ERBB4: variants seen among roughly 807,000 people sequenced by gnomAD.
ERBB4 encodes erb-b2 receptor tyrosine kinase 4.
Under a neutral mutation model 158.0 loss-of-function variants are expected in ERBB4, and 42 were observed. The observed-to-expected ratio is 0.27, with a 90% confidence interval of 0.21 to 0.34. ERBB4 has a LOEUF of 0.34. Among genes scored for constraint, ERBB4 ranks in the 10% least tolerant of loss-of-function variants. The pLI is 1.00. For synonymous variants in ERBB4, 583 were observed against 558.7 expected (o/e 1.04, Z -0.61); for missense variants, 1,333 against 1,624.1 (o/e 0.82, Z 3.08).
At chr2:212,162,489 A>C (rs1407563276) in intron 1 of ERBB4, among the ~76,000 whole-genome samples, 1 of 151,892 alleles carries the variant, frequency 6.6e-6, no homozygotes, top group Non-Finnish European at 1.5e-5. Flanking sequence ...AAGTATTTGC[A>C]CTACACAATT....
Position 211,536,944 on chromosome 2 carries a change from C to CA in ERBB4, c.2487+24958dup, listed in dbSNP as rs551632339. On this transcript the variant is annotated intron_variant, in intron 20 of 27. Coordinates refer to ENST00000342788, the MANE Select transcript of ERBB4 (RefSeq NM_005235.3). ...CAGGAAAAAACAAAACAAAACAAAA[C>CA]AAAAAAAAACCACCTCTGTAAAGAC... is the stretch of plus-strand genomic sequence containing the variant. Among the ~76,000 whole-genome samples, 972 of 149,532 alleles carry CA rather than the reference C, an allele frequency of 6.5e-3. 9 individuals carry two copies. The highest frequency in any genetic ancestry group is 0.021 in the African/African-American group (868 of 40,808).
At chr2:212,296,799 G>A (rs967309455) in intron 1 of ERBB4, among the ~76,000 whole-genome samples, 27 of 151,828 alleles carry the variant, frequency 1.8e-4, no homozygotes, top group African/African-American at 6.0e-4. Flanking sequence ...AGGCATTCAG[G>A]GCATGAAATT....
chr2:212,428,855 CAGAT>C (rs2091967996), intron 1 of ERBB4, among the ~76,000 whole-genome samples: 1 of 152,008 alleles, frequency 6.6e-6, no homozygotes, highest in Non-Finnish European at 1.5e-5. Flanking sequence ...GTAGGCATAA[CAGAT>C]AGAGGGATAC....
At chr2:212,139,789 C>G (rs1446511034) in intron 1 of ERBB4, among the ~76,000 whole-genome samples, 1 of 151,878 alleles carries the variant, frequency 6.6e-6, no homozygotes, top group Non-Finnish European at 1.5e-5. Flanking sequence ...AAAACACACA[C>G]TAACTTCTAT....
chr2:212,081,614 C>T (rs907792737), intron 2 of ERBB4, among the ~76,000 whole-genome samples: 1 of 152,092 alleles, frequency 6.6e-6, no homozygotes, highest in African/African-American at 2.4e-5. Flanking sequence ...GATGCAAGTG[C>T]TTATGAATAG....
chr2:212,277,991 C>T (rs1238683593), intron 1 of ERBB4, among the ~76,000 whole-genome samples: 4 of 151,494 alleles, frequency 2.6e-5, no homozygotes, highest in African/African-American at 7.3e-5. Context: ...CCGGACTTCA[C>T]TGGGATAAAA....
intron 1 of ERBB4, among the ~76,000 whole-genome samples, chr2:212,498,488 T>C (rs965050277): frequency 6.6e-6 from 1 of 152,134 alleles, no homozygotes; most frequent in Non-Finnish European, 1.5e-5. Context: ...ACATTCCTAT[T>C]GCAAAAACAG....
chr2:212,073,336 C>G (rs543026123), intron 2 of ERBB4, among the ~76,000 whole-genome samples: 1 of 151,934 alleles, frequency 6.6e-6, no homozygotes, highest in African/African-American at 2.4e-5. Flanking sequence ...TTCCCAATTA[C>G]TATACAAGGA....
intron 1 of ERBB4, among the ~76,000 whole-genome samples, chr2:212,480,123 C>T (rs1023806883): frequency 6.6e-6 from 1 of 152,078 alleles, no homozygotes; most frequent in African/African-American, 2.4e-5. Flanking sequence ...AAGTGAACAA[C>T]CTCAAAGGAA....
At chr2:211,600,042 G>A (rs1260464858) in intron 19 of ERBB4, among the ~76,000 whole-genome samples, 1 of 152,134 alleles carries the variant, frequency 6.6e-6, no homozygotes, top group Non-Finnish European at 1.5e-5. Context: ...ATTGTCCAAA[G>A]AATGTATAGT....
At chr2:212,063,591 G>C (rs2077846739) in intron 2 of ERBB4, among the ~76,000 whole-genome samples, 1 of 151,956 alleles carries the variant, frequency 6.6e-6, no homozygotes, top group Admixed American at 6.6e-5. Context: ...CTGAAAGCAT[G>C]ATAGCAAACC....
intron 4 of ERBB4, among the ~76,000 whole-genome samples, chr2:211,773,596 C>A (rs1316391277): frequency 2.9e-5 from 1 of 33,948 alleles, no homozygotes; most frequent in Non-Finnish European, 5.3e-5. Flanking sequence ...ACTTCTGTAA[C>A]TTTATATATA....
chr2:212,396,100 G>A (rs191256420), intron 1 of ERBB4, among the ~76,000 whole-genome samples: 8 of 152,208 alleles, frequency 5.3e-5, no homozygotes, highest in African/African-American at 1.4e-4. Context: ...ATTTTTAAGC[G>A]TGTGCTCAAA....
At chr2:211,540,621 T>C (rs781262492) in intron 20 of ERBB4, among the ~76,000 whole-genome samples, 55 of 151,926 alleles carry the variant, frequency 3.6e-4, no homozygotes, top group Non-Finnish European at 7.2e-4. Flanking sequence ...TGGAGTGCAG[T>C]GGCGTGATCT....
At chr2:212,071,726 C>A (rs1017623181) in intron 2 of ERBB4, among the ~76,000 whole-genome samples, 4 of 151,932 alleles carry the variant, frequency 2.6e-5, no homozygotes, top group Non-Finnish European at 4.4e-5. Context: ...TGTTATAAAG[C>A]TATTACGATG....
intron 12 of ERBB4, among the ~76,000 whole-genome samples, chr2:211,693,623 G>T (rs567608242): frequency 2.8e-4 from 43 of 152,206 alleles, no homozygotes; most frequent in Middle Eastern, 3.4e-3. Flanking sequence ...TTTCCCAAAG[G>T]ATTTCCCACA....
rs1169246749 is a variant in ERBB4 at position 211,377,281 on chromosome 2, G to A, written c.*6334C>T. 1 of 233,114 alleles carries A rather than the reference G, an allele frequency of 4.3e-6. No individual in the cohort carries two copies. 14.4% of individuals were successfully genotyped at this position (233,114 alleles called of 1,614,324 possible). On this transcript the variant is annotated 3_prime_UTR_variant, in exon 28 of 28. Transcript: ENST00000342788. ...TTTGCTTTCCTTCACAAAGGCTATA[G>A]GCCTGGGGGAAATATCTACGCATTG...
At chr2:212,081,776 A>G (rs2078451168) in intron 2 of ERBB4, among the ~76,000 whole-genome samples, 1 of 152,128 alleles carries the variant, frequency 6.6e-6, no homozygotes. Context: ...AGAATACAAC[A>G]TTACATTTCC....
chr2:212,272,629 G>T (rs1574569471), intron 1 of ERBB4, among the ~76,000 whole-genome samples: 1 of 151,714 alleles, frequency 6.6e-6, no homozygotes, highest in Non-Finnish European at 1.5e-5. Context: ...AAGCTATTAG[G>T]AATACATAGT....
Sources: allele counts gnomAD v4.1 joint callset (sites outside exome capture counted in the v4.1 genomes callset), GRCh38; gene constraint gnomAD v4.1.1; transcripts MANE v1.5; gene names NCBI Gene and HGNC (gene_info 2026-07-23, HGNC 2026-07-21).